KIF26A: variants seen among roughly 807,000 people sequenced by gnomAD.
The protein encoded by KIF26A is kinesin family member 26A, also known as kinesin-like protein KIF26A.
KIF26A carries 74 observed loss-of-function variants against 126.0 expected under a neutral mutation model. The observed-to-expected ratio is 0.59, with a 90% CI of 0.49 to 0.71. The LOEUF is 0.71. Among genes scored for constraint, KIF26A ranks in the 30% least tolerant of loss-of-function variants. KIF26A has a pLI of 0.00. For synonymous variants in KIF26A, 1,445 were observed against 1,232.7 expected (o/e 1.17, Z -3.61); for missense variants, 2,984 against 2,763.3 (o/e 1.08, Z -1.79).
chr14:104,173,447 A>G lies in KIF26A; in HGVS notation c.1801A>G (p.Ser601Gly), dbSNP rs370003250. 58 of 1,588,964 alleles carry G rather than the reference A, an allele frequency of 3.7e-5. No homozygotes were observed. Among genetic ancestry groups the G allele is most frequent in the Non-Finnish European group, 4.7e-5 (55 of 1,167,706 alleles). Residue 601 changes from serine (S) to glycine (G), a missense_variant, in exon 9 of 15, where the codon AGC becomes GGC. Ser to Gly is a moderately conservative substitution (Grantham distance 56). Coordinates refer to ENST00000423312, the MANE Select transcript of KIF26A (RefSeq NM_015656.2). ...RAGCGEDARR[S>G]SHMLFTLHVY... ...GGGCTGTGGCGAGGACGCCCGACGC[A>G]GCTCCCACATGTTGTTCACGCTGCA...
intron 3 of KIF26A, among the ~76,000 whole-genome samples, chr14:104,155,979 A>G (rs960920381): frequency 1.3e-5 from 2 of 152,180 alleles, no homozygotes; most frequent in African/African-American, 4.8e-5. Flanking sequence ...CTCACTGGAC[A>G]CTGTGATTGG....
At chr14:104,179,561 A>G in intron 14 of KIF26A, 48 bp from the exon 15 acceptor site, 1 of 1,459,948 alleles carries the variant, frequency 6.8e-7, no homozygotes, top group Non-Finnish European at 9.1e-7. Flanking sequence ...GGCTGCCCCC[A>G]GCCTCGGGCC....
In KIF26A at chr14:104,151,921, G is replaced by A. The variant is rs1027848922; in HGVS notation, c.289-94G>A. On this transcript the variant is annotated intron_variant, in intron 2 of 14. Coordinates refer to ENST00000423312, the MANE Select transcript of KIF26A (RefSeq NM_015656.2). This position sits in a 1 kb window ranked among gnomAD's most constrained non-coding sequence, Gnocchi z 4.9. ...TGGTGCGGTGGCCAGGCGGGAGCTC[G>A]CAGCGTCATGGACGGTGAGAGTGCT... is the stretch of plus-strand genomic sequence containing the variant. The A allele has an allele frequency of 6.8e-5, 75 of 1,106,608 alleles. No individual in the cohort carries two copies. In the Middle Eastern group the frequency reaches 1.5e-3, roughly 22 times the overall value. 68.5% of individuals were successfully genotyped at this position (1,106,608 alleles called of 1,614,324 possible). A position where few individuals can be genotyped will look rare whatever the true frequency, so the allele number is the denominator to read the frequency against.
rs1191668361 is a variant in KIF26A at position 104,152,489 on chromosome 14, C to T, written c.735+28C>T. On this transcript the variant is annotated intron_variant, in intron 3 of 14. Transcript: ENST00000423312. The surrounding 1 kb of genome is among the most constrained non-coding windows in gnomAD (Gnocchi z 5.9). ...GAGTGTCTTGCTCAGCGGATGGGAG[C>T]TGCTGGCCTCCTTGTCAGAACTGGG... The T allele has an allele frequency of 6.6e-7, 1 of 1,514,166 alleles. No homozygotes were observed. The highest frequency in any genetic ancestry group is 1.4e-5 in the African/African-American group (1 of 71,708). The allele number at this position is 1,514,166 out of a possible 1,614,324, so 93.8% of individuals were successfully genotyped here.
rs369084517 is a variant in KIF26A at position 104,173,065 on chromosome 14, C to T, written c.1509C>T (p.Ile503=). The T allele has an allele frequency of 8.6e-5, 138 of 1,605,248 alleles. No homozygotes were observed. Among genetic ancestry groups the T allele is most frequent in the South Asian group, 1.6e-4 (14 of 89,700 alleles). The change falls in exon 8 of 15, where the codon ATC becomes ATT. Residue 503 remains isoleucine (I), a synonymous_variant. Coordinates refer to ENST00000423312, the MANE Select transcript of KIF26A (RefSeq NM_015656.2). Reference sequence around the variant, plus strand: ...CCATCTCCTGGCTCTTCAGGCTCATCGAGGAGCGCAGGGAGAGGACGGGCA... The same window carrying T: ...CCATCTCCTGGCTCTTCAGGCTCATTGAGGAGCGCAGGGAGAGGACGGGCA... The part of the protein sequence containing the change: ...PCAISWLFRL[I]EERRERTGTR...
At chr14:104,177,948 TA>T in intron 12 of KIF26A, 50 bp downstream of exon 12, 8 of 1,438,404 alleles carry the variant, frequency 5.6e-6, no homozygotes, top group Non-Finnish European at 6.4e-6. Flanking sequence ...TTTCTGTGTG[TA>T]GATGTGCACA....
intron 4 of KIF26A, among the ~76,000 whole-genome samples, chr14:104,165,930 C>G (rs1489239460): frequency 2.0e-5 from 3 of 151,462 alleles, no homozygotes; most frequent in Non-Finnish European, 4.4e-5. Flanking sequence ...ACTGGCCTCC[C>G]CTGGAGGGTG....
At chr14:104,167,166 G>C in intron 5 of KIF26A, 118 bp downstream of exon 5, 1 of 1,128,288 alleles carries the variant, frequency 8.9e-7, no homozygotes, top group East Asian at 2.7e-5. Flanking sequence ...GGATAAGGGT[G>C]GTCAGTGGGG....
chr14:104,142,836 CTGAA>C (rs1382104852), intron 2 of KIF26A, among the ~76,000 whole-genome samples: 1 of 152,220 alleles, frequency 6.6e-6, no homozygotes, highest in Non-Finnish European at 1.5e-5. Flanking sequence ...TGTTGAATGA[CTGAA>C]TGACCAGGCT....
chr14:104,164,799 C>T (rs2037867454), intron 4 of KIF26A, among the ~76,000 whole-genome samples: 2 of 150,072 alleles, frequency 1.3e-5, no homozygotes, highest in South Asian at 4.2e-4. Context: ...GTCTGCATTT[C>T]TCTTTCTCTG....
rs1378397289 is a variant in KIF26A, at chr14:104,179,587, T to C, written c.5468-22T>C. 2.0e-6 allele frequency: 3 copies of C among 1,489,196 alleles called. No homozygotes were observed. The East Asian group carries it at 7.5e-5, about 37-fold the overall frequency. The allele number at this position is 1,489,196 out of a possible 1,614,324, so 92.2% of individuals were successfully genotyped here. The stretch of plus-strand genomic sequence containing the variant: ...GCCTCGGGCCTGACGCAGGTGCCCC[T>C]CCCCTCTCCTCCCCTCCCCAGTTGA... On this transcript the variant is annotated intron_variant, in intron 14 of 14. Coordinates refer to ENST00000423312, the MANE Select transcript of KIF26A (RefSeq NM_015656.2).
chr14:104,141,059 G>A (rs1042456366), intron 2 of KIF26A, among the ~76,000 whole-genome samples: 3 of 152,232 alleles, frequency 2.0e-5, no homozygotes, highest in South Asian at 2.1e-4. Context: ...CCTTACGGGT[G>A]TCATTGTCCT....
Position 104,178,645 on chromosome 14 carries a change from C to T in KIF26A, c.5206C>T (p.Pro1736Ser). The T allele has an allele frequency of 1.3e-6, 2 of 1,552,568 alleles. No individual in the cohort carries two copies. Among genetic ancestry groups the T allele is most frequent in the Non-Finnish European group, 1.7e-6 (2 of 1,148,432 alleles). ...CCCCGGGCAGTGGGTGGACCTGCCC[C>T]CGCCCCTGGCTGGCTCCCTGAAGGA... is the stretch of plus-strand genomic sequence containing the variant. ...SLPGQWVDLPPPLAGSLKEPF... is the reference protein window; with the variant it reads ...SLPGQWVDLPSPLAGSLKEPF... The change falls in exon 13 of 15, where the codon CCG (proline) becomes TCG (serine). Residue 1736 changes from proline to serine, a missense_variant. Physicochemically the swap from Pro to Ser is moderately conservative, Grantham distance 74. Transcript: ENST00000423312.
In KIF26A at chr14:104,177,401, C is replaced by T. The variant is rs756605743; in HGVS notation, c.4613C>T (p.Pro1538Leu). Residue 1538 changes from proline to leucine, a missense_variant, in exon 12 of 15, where the codon CCA becomes CTA. Transcript: ENST00000423312. ...CCTGTGGCCGGTCCCAGAGCAGCCCCACGGGCCGGGCCCAGTGTCGGGGCG... is the reference window on the plus strand; with the variant it reads ...CCTGTGGCCGGTCCCAGAGCAGCCCTACGGGCCGGGCCCAGTGTCGGGGCG... The part of the protein sequence containing the change: ...GGPVAGPRAA[P>L]RAGPSVGAKA... 5 of 1,494,916 alleles carry T rather than the reference C, an allele frequency of 3.3e-6. No homozygotes were observed. In the Middle Eastern group the frequency reaches 6.9e-4, roughly 206 times the overall value. 92.6% of individuals were successfully genotyped at this position (1,494,916 alleles called of 1,614,324 possible). A position where few individuals can be genotyped will look rare whatever the true frequency, so the allele number is the denominator to read the frequency against.
At position 104,151,306 on chromosome 14, in the gene KIF26A, C is replaced by A. The variant is rs779014504; in HGVS notation, c.289-709C>A. 6.6e-6 allele frequency among the ~76,000 whole-genome samples: 1 copy of A among 152,054 alleles called. No individual in the cohort carries two copies. The highest frequency in any genetic ancestry group is 2.1e-4 in the South Asian group (1 of 4,826). On this transcript the variant is annotated intron_variant, in intron 2 of 14. Transcript: ENST00000423312. This position sits in a 1 kb window ranked among gnomAD's most constrained non-coding sequence, Gnocchi z 4.9. ...AGGGTTCTAGAGAAACCTGTGTGTCCCCCCAGTTCAGGGAAGGGGGCAGTC... is the reference window on the plus strand; with the variant it reads ...AGGGTTCTAGAGAAACCTGTGTGTCACCCCAGTTCAGGGAAGGGGGCAGTC...
In KIF26A at chr14:104,151,914, G is replaced by A; in HGVS notation, c.289-101G>A. ...TTACGGATGGTGCGGTGGCCAGGCG[G>A]GAGCTCGCAGCGTCATGGACGGTGA... On this transcript the variant is annotated intron_variant, in intron 2 of 14. Transcript: ENST00000423312. The surrounding 1 kb of genome is among the most constrained non-coding windows in gnomAD (Gnocchi z 4.9). 1 of 1,000,414 alleles carries A rather than the reference G, an allele frequency of 1.0e-6. No homozygotes were observed. The highest frequency in any genetic ancestry group is 1.6e-6 in the Non-Finnish European group (1 of 644,446). 62.0% of individuals were successfully genotyped at this position (1,000,414 alleles called of 1,614,324 possible).
In KIF26A at chr14:104,175,044, G is replaced by A. The variant is rs756020951; in HGVS notation, c.2256G>A (p.Pro752=). Reference sequence around the variant, plus strand: ...AGGAAGGCCGGGCCCGTCGGCCCCCGCACCTGCGGCCCTTCCACCCACGCA... The same window carrying A: ...AGGAAGGCCGGGCCCGTCGGCCCCCACACCTGCGGCCCTTCCACCCACGCA... The part of the protein sequence containing the change: ...SCEEGRARRP[P]HLRPFHPRTV... The change falls in exon 12 of 15, where the codon CCG becomes CCA. Residue 752 remains proline, a synonymous_variant. Transcript: ENST00000423312. 3.2e-6 allele frequency: 5 copies of A among 1,572,112 alleles called. No individual in the cohort carries two copies. The highest frequency in any genetic ancestry group is 2.3e-5 in the East Asian group (1 of 42,580).
intron 5 of KIF26A, among the ~76,000 whole-genome samples, chr14:104,171,099 A>C (rs2037952346): frequency 6.6e-6 from 1 of 152,080 alleles, no homozygotes; most frequent in South Asian, 2.1e-4. Context: ...CCTGGATGGG[A>C]TCCTTCTTAT....
intron 4 of KIF26A, among the ~76,000 whole-genome samples, chr14:104,160,118 C>T (rs973199897): frequency 2.6e-5 from 4 of 152,216 alleles, no homozygotes; most frequent in African/African-American, 9.6e-5. Context: ...AGGGGCACCT[C>T]TGTGGAGGCA....
Sources: allele counts gnomAD v4.1 joint callset (sites outside exome capture counted in the v4.1 genomes callset), GRCh38; gene constraint gnomAD v4.1.1; non-coding constraint Gnocchi (gnomAD v3.1); transcripts MANE v1.5; gene names NCBI Gene and HGNC (gene_info 2026-07-23, HGNC 2026-07-21).